PCNT: variants seen among roughly 807,000 people sequenced by gnomAD.
PCNT encodes the protein pericentrin.
A neutral mutation model predicts 380.4 loss-of-function variants in PCNT; 319 were observed. The ratio of observed to expected loss-of-function variants is 0.84; its 90% CI spans 0.77 to 0.92. The LOEUF (loss-of-function observed/expected upper bound fraction) is 0.92, where lower values mean the gene tolerates loss of function less well. Ranked by LOEUF, PCNT falls within the 40% of genes least tolerant of loss-of-function variation. PCNT has a pLI of 0.00. For synonymous variants in PCNT, 1,845 were observed against 1,735.2 expected, an observed-to-expected ratio of 1.06 and a Z score of -1.57; for missense variants, 4,400 against 4,255.3, an observed-to-expected ratio of 1.03 and a Z score of -0.95.
chr21:46,419,307 G>A (rs1294642378), intron 31 of PCNT, among the ~76,000 whole-genome samples: 6 of 152,188 alleles, frequency 3.9e-5, no homozygotes, highest in Non-Finnish European at 8.8e-5. Flanking sequence ...GTGCTGAGGG[G>A]ACCGTTTCCT....
Position 46,401,663 on chromosome 21 carries a change from A to C in PCNT, c.4904A>C (p.Glu1635Ala). Residue 1635 changes from glutamate (E) to alanine (A), a missense_variant, in exon 26 of 47, where the codon GAG becomes GCG. Coordinates refer to ENST00000359568, the MANE Select transcript of PCNT (RefSeq NM_006031.6). Reference protein sequence around the residue: ...CPEPPSGSPPEGPEIQLEVTQ... With the variant: ...CPEPPSGSPPAGPEIQLEVTQ... ...GAGCCTCCTTCGGGCAGCCCTCCTG[A>C]GGGTCCAGAAATACAGTTAGAGGTG... 1 of 1,613,648 alleles carries C rather than the reference A, an allele frequency of 6.2e-7. No individual in the cohort carries two copies.
In PCNT at chr21:46,430,564, T is replaced by G; in HGVS notation, c.7971T>G (p.Ser2657Arg). The G allele has an allele frequency of 6.4e-7, 1 of 1,558,754 alleles. No individual in the cohort carries two copies. Among genetic ancestry groups the G allele is most frequent in the East Asian group, 2.4e-5 (1 of 41,756 alleles). The change falls in exon 37 of 47, where the codon AGT becomes AGG. Residue 2657 changes from serine to arginine, a missense_variant. Ser to Arg is a moderately radical substitution (Grantham distance 110). Coordinates refer to ENST00000359568, the MANE Select transcript of PCNT (RefSeq NM_006031.6). ...AGGCCGCGCTTCAGGAGCTGGAGAG[T>G]GAGCAGGGGAAGGGGCGTGCCCTGC... ...ELKAALQELE[S>R]EQGKGRALQS...
chr21:46,407,321 AAAG>A (rs1005429023), intron 27 of PCNT, among the ~76,000 whole-genome samples: 7 of 148,310 alleles, frequency 4.7e-5, no homozygotes, highest in Non-Finnish European at 1.0e-4. Flanking sequence ...TTCTTTGCAT[AAAG>A]AAGTTTATAC....
At chr21:46,351,845 C>T (rs2084284871) in intron 9 of PCNT, among the ~76,000 whole-genome samples, 1 of 152,188 alleles carries the variant, frequency 6.6e-6, no homozygotes, top group African/African-American at 2.4e-5. Context: ...TGGTGCTGAG[C>T]GTTTGCCTCG....
intron 39 of PCNT, 77 bp from the exon 40 acceptor site, chr21:46,436,902 C>A: frequency 9.7e-7 from 1 of 1,026,016 alleles, no homozygotes; most frequent in Non-Finnish European, 1.5e-6. Context: ...TCTCTTGAGC[C>A]GTGAGCTCTT....
At chr21:46,346,677 T>A in intron 4 of PCNT, 66 bp from the exon 5 acceptor site, 1 of 1,535,962 alleles carries the variant, frequency 6.5e-7, no homozygotes, top group Non-Finnish European at 8.8e-7. Context: ...TTCATGCTTC[T>A]GTGTCTCCCT....
Position 46,388,858 on chromosome 21 carries a change from C to G in PCNT, c.3581C>G (p.Ala1194Gly), listed in dbSNP as rs138254119. Reference sequence around the variant, plus strand: ...CGCGTGGGGCTCTGCCTGGATGACGCGGGCGCAGGCCTGGCCCTGTCGACA... The same window carrying G: ...CGCGTGGGGCTCTGCCTGGATGACGGGGGCGCAGGCCTGGCCCTGTCGACA... ...GERVGLCLDD[A>G]GAGLALSTAP... Residue 1194 changes from alanine (A) to glycine (G), a missense_variant, in exon 18 of 47, where the codon GCG becomes GGG. Ala to Gly is a moderately conservative substitution (Grantham distance 60). Coordinates refer to ENST00000359568, the MANE Select transcript of PCNT (RefSeq NM_006031.6). This position sits in a 1 kb window ranked among gnomAD's most constrained non-coding sequence, Gnocchi z 4.2. 1.2e-6 allele frequency: 2 copies of G among 1,608,392 alleles called. No individual in the cohort carries two copies. Among genetic ancestry groups the G allele is most frequent in the African/African-American group, 2.7e-5 (2 of 74,986 alleles).
In PCNT at chr21:46,365,114, A is replaced by G. The variant is rs533673519; in HGVS notation, c.2609+1180A>G. ...CCTTAATTCACTGCCACGGGGTTCTATTCACTTCCATGGGGTTCTATTCAT... is the reference window on the plus strand; with the variant it reads ...CCTTAATTCACTGCCACGGGGTTCTGTTCACTTCCATGGGGTTCTATTCAT... On this transcript the variant is annotated intron_variant, in intron 14 of 46. Coordinates refer to ENST00000359568, the MANE Select transcript of PCNT (RefSeq NM_006031.6). Among the ~76,000 whole-genome samples, 21 of 152,174 alleles carry G rather than the reference A, an allele frequency of 1.4e-4. No homozygotes were observed. In the South Asian group the frequency reaches 3.9e-3, roughly 29 times the overall value.
intron 29 of PCNT, among the ~76,000 whole-genome samples, chr21:46,415,131 C>T (rs1205795930): frequency 1.3e-5 from 2 of 152,216 alleles, no homozygotes; most frequent in African/African-American, 2.4e-5. Flanking sequence ...GTGCAGGTGC[C>T]GCCTGTTCCT....
chr21:46,444,871 C>G, intron 46 of PCNT, 50 bp downstream of exon 46: 6 of 1,580,142 alleles, frequency 3.8e-6, no homozygotes, highest in Non-Finnish European at 5.2e-6. Flanking sequence ...TCACTGTACC[C>G]TGGAAACGTA....
At chr21:46,403,295 G>T (rs1601973704) in intron 27 of PCNT, among the ~76,000 whole-genome samples, 1 of 141,994 alleles carries the variant, frequency 7.0e-6, no homozygotes, top group South Asian at 2.2e-4. Flanking sequence ...CGCAGCGCGT[G>T]CTCGGTGAAT....
intron 27 of PCNT, among the ~76,000 whole-genome samples, chr21:46,404,189 G>A (rs2086553939): frequency 6.6e-6 from 1 of 151,626 alleles, no homozygotes; most frequent in African/African-American, 2.4e-5. Flanking sequence ...ACACAGCGTG[G>A]GAATGCTCCC....
At chr21:46,324,689 C>T (rs1219750209) in intron 1 of PCNT, among the ~76,000 whole-genome samples, 5 of 151,950 alleles carry the variant, frequency 3.3e-5, no homozygotes, top group Non-Finnish European at 7.4e-5. Flanking sequence ...GGACCCCAGG[C>T]TGGATCTTCC....
At position 46,390,801 on chromosome 21, in the gene PCNT, A is replaced by G; in HGVS notation, c.3972A>G (p.Ala1324=). ...ECLKEESAAK[A]ELALELHKTQ... is the part of the protein sequence containing the mutation. ...TGAAGGAGGAGAGCGCAGCAAAGGC[A>G]GAGCTGGCGCTGGAGCTGCACAAGA... Residue 1324 remains alanine (A), a synonymous_variant, in exon 20 of 47, where the codon GCA becomes GCG. Coordinates refer to ENST00000359568, the MANE Select transcript of PCNT (RefSeq NM_006031.6). The G allele has an allele frequency of 1.2e-6, 2 of 1,611,190 alleles. 1 individual carries two copies. The highest frequency in any genetic ancestry group is 2.7e-5 in the African/African-American group (2 of 74,994).
intron 25 of PCNT, among the ~76,000 whole-genome samples, chr21:46,401,325 A>G (rs2086419387): frequency 1.3e-5 from 2 of 152,178 alleles, no homozygotes; most frequent in African/African-American, 2.4e-5. Flanking sequence ...GGACTCGGGC[A>G]CAGGCTGTGG....
At position 46,427,807 on chromosome 21, in the gene PCNT, C is replaced by T; in HGVS notation, c.7494+12C>T. On this transcript the variant is annotated intron_variant, in intron 34 of 46. Coordinates refer to ENST00000359568, the MANE Select transcript of PCNT (RefSeq NM_006031.6). Reference sequence around the variant, plus strand: ...TCATCCGTGAGCAGGTGAGTGTCAGCTCTGCCACCAGGCCTCAGTTTGCCC... The same window carrying T: ...TCATCCGTGAGCAGGTGAGTGTCAGTTCTGCCACCAGGCCTCAGTTTGCCC... 1 of 1,612,916 alleles carries T rather than the reference C, an allele frequency of 6.2e-7. No homozygotes were observed. Among genetic ancestry groups the T allele is most frequent in the Non-Finnish European group, 8.5e-7 (1 of 1,179,920 alleles).
At chr21:46,429,565 G>T (rs974959925) in intron 35 of PCNT, among the ~76,000 whole-genome samples, 4 of 152,180 alleles carry the variant, frequency 2.6e-5, no homozygotes, top group Admixed American at 2.6e-4. Flanking sequence ...TGGTCTTGGT[G>T]CTGGGTAGCG....
chr21:46,444,231 GA>G (rs1446296737), intron 45 of PCNT, among the ~76,000 whole-genome samples: 1 of 152,196 alleles, frequency 6.6e-6, no homozygotes, highest in Admixed American at 6.5e-5. Flanking sequence ...CCTTGGTGAA[GA>G]AGGCATGTTC....
In PCNT at chr21:46,437,095, G is replaced by T. The variant is rs370266308; in HGVS notation, c.9099+14G>T. The T allele has an allele frequency of 1.9e-6, 3 of 1,589,664 alleles. No individual in the cohort carries two copies. Among genetic ancestry groups the T allele is most frequent in the Non-Finnish European group, 2.6e-6 (3 of 1,158,784 alleles). On this transcript the variant is annotated intron_variant, in intron 40 of 46. Coordinates refer to ENST00000359568, the MANE Select transcript of PCNT (RefSeq NM_006031.6). ...ACCTCCTCCCAGGTAAGGGGTGAGC[G>T]CCCCCAGGTCCCTGGCCTGGCTCCT...
Sources: gnomAD v4.1 joint callset for allele counts (sites outside exome capture counted in the v4.1 genomes callset) on GRCh38, gnomAD v4.1.1 for gene constraint, Gnocchi (gnomAD v3.1) non-coding constraint, MANE v1.5 for transcripts, NCBI Gene and HGNC (gene_info 2026-07-23, HGNC 2026-07-21) for gene names.